Variants in SYN3 observed in about 807,000 individuals in gnomAD.
SYN3 encodes synapsin III.
A neutral mutation model predicts 65.8 loss-of-function variants in SYN3; 35 were observed. That is an observed-to-expected ratio of 0.53 (90% confidence interval 0.41 to 0.70). The LOEUF is 0.70. SYN3 is among the 30% of genes least tolerant of loss of function. The pLI is 0.00. For synonymous variants in SYN3, 270 were observed against 292.9 expected (o/e 0.92, Z 0.80); for missense variants, 680 against 749.0 (o/e 0.91, Z 1.08).
intron 6 of SYN3, among the ~76,000 whole-genome samples, chr22:32,845,112 G>C (rs1161083938): frequency 1.3e-5 from 2 of 152,134 alleles, no homozygotes; most frequent in Non-Finnish European, 2.9e-5. Flanking sequence ...AGAGACAAGA[G>C]AGGCTCAGAG....
intron 1 of SYN3, among the ~76,000 whole-genome samples, chr22:33,012,775 T>G (rs2053379624): frequency 6.6e-6 from 1 of 152,244 alleles, no homozygotes; most frequent in African/African-American, 2.4e-5. Flanking sequence ...CCCTGATTTG[T>G]CAAACCAGCA....
At chr22:32,541,843 A>C (rs2058261418) in intron 7 of SYN3, 130 bp from the exon 8 acceptor site, 1 of 1,043,150 alleles carries the variant, frequency 9.6e-7, no homozygotes, top group Non-Finnish European at 1.4e-6. Flanking sequence ...CAGGGGAGAC[A>C]GACACGGGAA....
intron 4 of SYN3, among the ~76,000 whole-genome samples, chr22:32,928,095 C>T (rs578124051): frequency 3.9e-5 from 6 of 152,236 alleles, no homozygotes; most frequent in Admixed American, 6.5e-5. Flanking sequence ...CTTTGGGAGG[C>T]CAAAGTGGGA....
chr22:32,602,156 A>T (rs1281417386), intron 6 of SYN3, among the ~76,000 whole-genome samples: 1 of 152,110 alleles, frequency 6.6e-6, no homozygotes, highest in East Asian at 1.9e-4. Context: ...CTTCTCACTT[A>T]ATATTATACC....
chr22:32,998,897 G>C (rs1237070143), intron 2 of SYN3, among the ~76,000 whole-genome samples: 1 of 150,280 alleles, frequency 6.7e-6, no homozygotes, highest in African/African-American at 2.5e-5. Flanking sequence ...ATTTTATACA[G>C]AAGTGAATAA....
intron 6 of SYN3, among the ~76,000 whole-genome samples, chr22:32,659,403 C>A (rs1271744224): frequency 5.9e-5 from 9 of 152,190 alleles, no homozygotes; most frequent in Non-Finnish European, 1.2e-4. Context: ...GGGTAACCAT[C>A]ACCCACTCTG....
Position 32,991,360 on chromosome 22 carries a change from A to AATG in SYN3, c.312-10659_312-10658insCAT, listed in dbSNP as rs564303403. Among the ~76,000 whole-genome samples, 861 of 148,740 alleles carry AATG rather than the reference A, an allele frequency of 5.8e-3. 5 individuals are homozygous for AATG. The highest frequency in any genetic ancestry group is 0.028 in the South Asian group (134 of 4,766). On this transcript the variant is annotated intron_variant, in intron 2 of 13. Transcript: ENST00000358763. Reference sequence around the variant, plus strand: ...CTCAAATAATAATAATAATAATAATAATAATAATAATAGTAATAATAGAAC... The same window carrying AATG: ...CTCAAATAATAATAATAATAATAATAATGATAATAATAATAGTAATAATAGAAC...
At chr22:32,937,010 T>C (rs566328966) in intron 3 of SYN3, among the ~76,000 whole-genome samples, 2 of 152,180 alleles carry the variant, frequency 1.3e-5, no homozygotes, top group Admixed American at 1.3e-4. Flanking sequence ...ACTAAACCAC[T>C]GTTTAAAGGA....
rs73881800 is a variant in SYN3, at chr22:32,781,682, T to A, written c.711+83233A>T. On this transcript the variant is annotated intron_variant, in intron 6 of 13. Transcript: ENST00000358763. ...GTGTTTGCTAATATTATTATTATTA[T>A]TAATATTATTATTATTATTGTTGTT... Among the ~76,000 whole-genome samples, 1,495 of 150,784 alleles carry A rather than the reference T, an allele frequency of 9.9e-3. 35 individuals carry two copies. Among genetic ancestry groups the A allele is most frequent in the African/African-American group, 0.035 (1,447 of 41,266 alleles).
At chr22:32,527,617 A>T in intron 12 of SYN3, 3 of 255,622 alleles carry the variant, frequency 1.2e-5, no homozygotes, top group Non-Finnish European at 1.5e-5. Flanking sequence ...AAAAAAAAAA[A>T]GGAAATAATG....
intron 6 of SYN3, among the ~76,000 whole-genome samples, chr22:32,744,780 C>T (rs2037074677): frequency 1.3e-5 from 2 of 152,150 alleles, no homozygotes; most frequent in South Asian, 4.1e-4. Flanking sequence ...CAAGGGCAAG[C>T]TCAGGAACAA....
intron 7 of SYN3, among the ~76,000 whole-genome samples, chr22:32,568,253 AAAACCCT>A (rs1214279301): frequency 6.6e-6 from 1 of 152,162 alleles, no homozygotes; most frequent in Admixed American, 6.5e-5. Context: ...CTCATTCCTC[AAAACCCT>A]AAAACTCAGT....
At chr22:32,929,034 A>T (rs916877754) in intron 4 of SYN3, among the ~76,000 whole-genome samples, 4 of 152,196 alleles carry the variant, frequency 2.6e-5, no homozygotes, top group Non-Finnish European at 5.9e-5. Flanking sequence ...TGTAATTCCA[A>T]CACTTTGGGA....
chr22:32,688,751 T>C (rs1336414371), intron 6 of SYN3, among the ~76,000 whole-genome samples: 1 of 152,110 alleles, frequency 6.6e-6, no homozygotes, highest in Non-Finnish European at 1.5e-5. Flanking sequence ...CCACGCTTCT[T>C]GATTTTCTCG....
chr22:32,974,800 C>T (rs1041157856), intron 3 of SYN3, among the ~76,000 whole-genome samples: 7 of 152,044 alleles, frequency 4.6e-5, no homozygotes, highest in African/African-American at 7.3e-5. Flanking sequence ...ATACATGTGC[C>T]GGAAACAAAT....
At chr22:32,667,801 T>TCTTTC (rs1457175055) in intron 6 of SYN3, among the ~76,000 whole-genome samples, 124 of 143,970 alleles carry the variant, frequency 8.6e-4, no homozygotes, top group East Asian at 6.9e-3. Flanking sequence ...TTTCTTTCTT[T>TCTTTC]TTTTTTTTTT....
chr22:32,600,823 T>G (rs2858735), intron 6 of SYN3, among the ~76,000 whole-genome samples: 26,810 of 151,918 alleles, frequency 0.18, 4,184 homozygotes, highest in African/African-American at 0.42. Flanking sequence ...GAGTAGCTGG[T>G]ATTACAGGCT....
chr22:32,547,816 T>C (rs1282100204), intron 7 of SYN3, among the ~76,000 whole-genome samples: 1 of 152,228 alleles, frequency 6.6e-6, no homozygotes, highest in Non-Finnish European at 1.5e-5. Context: ...TGCTATTTGC[T>C]TGAATATCTC....
chr22:32,940,930 G>T lies in SYN3; in HGVS notation c.370-9449C>A, dbSNP rs560007313. Reference sequence around the variant, plus strand: ...ATTTGCTCACTGCAAAATACACATGGACACTGGTCAATCATATGACCTCAA... The same window carrying T: ...ATTTGCTCACTGCAAAATACACATGTACACTGGTCAATCATATGACCTCAA... On this transcript the variant is annotated intron_variant, in intron 3 of 13. Coordinates refer to ENST00000358763, the MANE Select transcript of SYN3 (RefSeq NM_003490.4). Among the ~76,000 whole-genome samples the T allele has an allele frequency of 3.9e-5, 6 of 152,190 alleles. No homozygotes were observed. The East Asian group carries it at 9.7e-4, about 25-fold the overall frequency.
Sources: gnomAD v4.1 joint callset for allele counts (sites outside exome capture counted in the v4.1 genomes callset) on GRCh38, gnomAD v4.1.1 for gene constraint, MANE v1.5 for transcripts, NCBI Gene and HGNC (gene_info 2026-07-23, HGNC 2026-07-21) for gene names.